Variants in CRYBG3 observed in about 807,000 individuals in gnomAD.
CRYBG3 encodes the protein crystallin beta-gamma domain containing 3, also known as very large A-kinase anchor protein.
Under a neutral mutation model 244.2 loss-of-function variants are expected in CRYBG3, and 127 were observed. The ratio of observed to expected loss-of-function variants is 0.52; its 90% CI spans 0.45 to 0.60. The LOEUF (loss-of-function observed/expected upper bound fraction) is 0.60, where lower values mean the gene tolerates loss of function less well. CRYBG3 is among the 20% of genes least tolerant of loss of function. The pLI, the probability that CRYBG3 is intolerant of heterozygous loss-of-function variation, is 0.00. For missense variants in CRYBG3, 3,325 were observed against 3,442.5 expected (o/e 0.97, Z 0.85); for synonymous variants, 1,132 against 1,195.8 (o/e 0.95, Z 1.10).
intron 2 of CRYBG3, among the ~76,000 whole-genome samples, chr3:97,856,639 C>T (rs1288949499): frequency 2.0e-5 from 3 of 152,136 alleles, no homozygotes; most frequent in Non-Finnish European, 4.4e-5. Flanking sequence ...GTTTGGGGTC[C>T]CTGACTTCCC....
intron 15 of CRYBG3, 129 bp downstream of exon 15, chr3:97,900,614 A>G (rs760055939): frequency 1.6e-4 from 98 of 630,222 alleles, no homozygotes; most frequent in Non-Finnish European, 2.4e-4. Flanking sequence ...TTACAATTGC[A>G]TTTGGTACCT....
At chr3:97,924,681 C>G (rs920064694) in intron 17 of CRYBG3, among the ~76,000 whole-genome samples, 2 of 152,090 alleles carry the variant, frequency 1.3e-5, no homozygotes, top group African/African-American at 4.8e-5. Context: ...TCACTCTAGT[C>G]TCTGCTCTTT....
chr3:97,939,650 A>T (rs2040203652), intron 19 of CRYBG3, among the ~76,000 whole-genome samples: 2 of 152,048 alleles, frequency 1.3e-5, no homozygotes, highest in Admixed American at 6.6e-5. Flanking sequence ...TGTGAAGGTC[A>T]CGCCTGTTTT....
intron 17 of CRYBG3, among the ~76,000 whole-genome samples, chr3:97,925,206 A>C (rs1377164719): frequency 6.6e-6 from 1 of 152,076 alleles, no homozygotes; most frequent in African/African-American, 2.4e-5. Flanking sequence ...GAGGATATAA[A>C]TAGGCAGTTT....
In CRYBG3 at chr3:97,875,635, C is replaced by T; in HGVS notation, c.4441C>T (p.Leu1481Phe). The change falls in exon 4 of 22, where the codon CTT becomes TTT. Residue 1481 changes from leucine (L) to phenylalanine (F), a missense_variant. Leu to Phe is a conservative substitution (Grantham distance 22, BLOSUM62 0). Coordinates refer to ENST00000389622, the MANE Select transcript of CRYBG3 (RefSeq NM_153605.4). ...TLVLNFKWPPLVNDDIHAPGT... is the reference protein window; with the variant it reads ...TLVLNFKWPPFVNDDIHAPGT... The stretch of plus-strand genomic sequence containing the variant: ...TGTATTAAATTTCAAATGGCCTCCA[C>T]TTGTGAATGATGACATCCATGCACC... The T allele has an allele frequency of 8.1e-7, 1 of 1,235,058 alleles. No individual in the cohort carries two copies. 76.5% of individuals were successfully genotyped at this position (1,235,058 alleles called of 1,614,324 possible).
At chr3:97,900,190 T>C (rs1342643558) in intron 14 of CRYBG3, among the ~76,000 whole-genome samples, 3 of 151,968 alleles carry the variant, frequency 2.0e-5, no homozygotes, top group African/African-American at 7.3e-5. Context: ...TTTACAAAAT[T>C]AAGCAAAATT....
intron 12 of CRYBG3, among the ~76,000 whole-genome samples, chr3:97,897,520 T>C (rs1406212814): frequency 3.3e-5 from 5 of 152,080 alleles, no homozygotes; most frequent in Admixed American, 3.3e-4. Context: ...TAGGTGACTT[T>C]GGAAGTTACT....
chr3:97,899,389 A>G (rs1488512000), intron 14 of CRYBG3, 126 bp downstream of exon 14: 8 of 964,396 alleles, frequency 8.3e-6, no homozygotes, highest in African/African-American at 1.7e-5. Flanking sequence ...AGAAAATGCA[A>G]TATCACTTGA....
At chr3:97,854,882 G>A (rs1316162510) in intron 2 of CRYBG3, among the ~76,000 whole-genome samples, 3 of 151,996 alleles carry the variant, frequency 2.0e-5, no homozygotes, top group Non-Finnish European at 4.4e-5. Flanking sequence ...AGGACTTCCA[G>A]TACTATATTG....
At chr3:97,886,486 G>A in intron 7 of CRYBG3, 145 bp from the exon 8 acceptor site, 1 of 566,610 alleles carries the variant, frequency 1.8e-6, no homozygotes, top group South Asian at 6.2e-5. Context: ...AAAAGGGTGA[G>A]GAGAAACAAT....
At chr3:97,942,678 A>G (rs1306680021) in intron 21 of CRYBG3, 1 of 384,742 alleles carries the variant, frequency 2.6e-6, no homozygotes. Context: ...TTCATTTGCT[A>G]CGTGAACTCA....
At chr3:97,839,948 G>A (rs920275746) in intron 1 of CRYBG3, among the ~76,000 whole-genome samples, 5 of 151,946 alleles carry the variant, frequency 3.3e-5, no homozygotes, top group African/African-American at 1.2e-4. Context: ...GGTGCCAGGC[G>A]GGGTGCCAGG....
At chr3:97,937,378 C>G (rs112134233) in intron 19 of CRYBG3, among the ~76,000 whole-genome samples, 1 of 152,218 alleles carries the variant, frequency 6.6e-6, no homozygotes, top group Non-Finnish European at 1.5e-5. Context: ...CGCTACCCCA[C>G]CTTGCTTCTC....
At chr3:97,853,798 T>C (rs1181873432) in intron 2 of CRYBG3, among the ~76,000 whole-genome samples, 1 of 152,010 alleles carries the variant, frequency 6.6e-6, no homozygotes, top group Non-Finnish European at 1.5e-5. Context: ...GTATCACAAT[T>C]GTGGTTTTGA....
intron 17 of CRYBG3, among the ~76,000 whole-genome samples, chr3:97,922,938 C>T (rs546422254): frequency 1.2e-4 from 18 of 152,200 alleles, no homozygotes; most frequent in African/African-American, 4.1e-4. Flanking sequence ...GGAACCAACC[C>T]GAATGTCCAT....
chr3:97,874,862 C>T lies in CRYBG3; in HGVS notation c.3668C>T (p.Thr1223Ile). ...EELKFKHTVS[T>I]CQEHIAIEGI... is the part of the protein sequence containing the mutation. ...CTAAAATTCAAACACACAGTGAGTA[C>T]CTGCCAGGAGCATATAGCCATAGAA... is the stretch of plus-strand genomic sequence containing the variant. The change falls in exon 4 of 22, where the codon ACC becomes ATC. Residue 1223 changes from threonine (T) to isoleucine (I), a missense_variant. Coordinates refer to ENST00000389622, the MANE Select transcript of CRYBG3 (RefSeq NM_153605.4). 7 of 1,535,532 alleles carry T rather than the reference C, an allele frequency of 4.6e-6. No homozygotes were observed. The highest frequency in any genetic ancestry group is 6.1e-6 in the Non-Finnish European group (7 of 1,146,660).
intron 2 of CRYBG3, 118 bp from the exon 3 acceptor site, chr3:97,864,099 T>A: frequency 1.3e-6 from 1 of 776,700 alleles, no homozygotes; most frequent in Non-Finnish European, 2.0e-6. Flanking sequence ...ACAGAAGCCA[T>A]TAGTCTTATT....
intron 3 of CRYBG3, among the ~76,000 whole-genome samples, chr3:97,868,043 G>T (rs1176800358): frequency 6.6e-6 from 1 of 152,118 alleles, no homozygotes; most frequent in African/African-American, 2.4e-5. Flanking sequence ...CAGCACTTTG[G>T]GAGGCCGAGG....
At chr3:97,915,557 T>C (rs774073203) in intron 16 of CRYBG3, 53 bp from the exon 17 acceptor site, 169 of 1,569,016 alleles carry the variant, frequency 1.1e-4, no homozygotes, top group Non-Finnish European at 1.4e-4. Context: ...ATAATGAGCC[T>C]ATACTGCCAA....
Sources: allele counts gnomAD v4.1 joint callset (sites outside exome capture counted in the v4.1 genomes callset), GRCh38; gene constraint gnomAD v4.1.1; transcripts MANE v1.5; gene names NCBI Gene and HGNC (gene_info 2026-07-23, HGNC 2026-07-21).